AVL9: variants seen among roughly 807,000 people sequenced by gnomAD.
AVL9 encodes the protein AVL9 cell migration associated.
A neutral mutation model predicts 79.2 loss-of-function variants in AVL9; 49 were observed. That is an observed-to-expected ratio of 0.62 (90% CI 0.49 to 0.79). AVL9 has a LOEUF of 0.79. Ranked by LOEUF, AVL9 falls within the 30% of genes least tolerant of loss-of-function variation. AVL9 has a pLI of 0.00. For synonymous variants in AVL9, 299 were observed against 280.6 expected, an observed-to-expected ratio of 1.07 and a Z score of -0.65; for missense variants, 682 against 776.8, an observed-to-expected ratio of 0.88 and a Z score of 1.45.
intron 10 of AVL9, among the ~76,000 whole-genome samples, chr7:32,561,568 C>T (rs1349009504): frequency 6.6e-6 from 1 of 152,236 alleles, no homozygotes; most frequent in East Asian, 1.9e-4. Flanking sequence ...ATCCAGACCA[C>T]TCAAACTTTC....
intron 3 of AVL9, among the ~76,000 whole-genome samples, chr7:32,548,363 G>A (rs1789633054): frequency 6.6e-6 from 1 of 151,944 alleles, no homozygotes; most frequent in Non-Finnish European, 1.5e-5. Flanking sequence ...GACCAGGCTG[G>A]TCTCAAACTC....
At chr7:32,521,032 A>C (rs1226309921) in intron 1 of AVL9, among the ~76,000 whole-genome samples, 1 of 151,960 alleles carries the variant, frequency 6.6e-6, no homozygotes, top group African/African-American at 2.4e-5. Flanking sequence ...GCCGACATGT[A>C]ATAATTGCCT....
At chr7:32,515,953 C>T (rs145948454) in intron 1 of AVL9, among the ~76,000 whole-genome samples, 104 of 152,284 alleles carry the variant, frequency 6.8e-4, no homozygotes, top group African/African-American at 2.3e-3. Flanking sequence ...ATTTACTTTT[C>T]TCTACCCTAT....
intron 8 of AVL9, among the ~76,000 whole-genome samples, chr7:32,555,469 A>G (rs1217339648): frequency 2.0e-5 from 3 of 152,222 alleles, no homozygotes; most frequent in African/African-American, 7.2e-5. Context: ...GTTCCTGACC[A>G]CTCCCTAATA....
intron 1 of AVL9, among the ~76,000 whole-genome samples, chr7:32,498,374 A>C (rs535460704): frequency 3.3e-5 from 5 of 151,044 alleles, no homozygotes; most frequent in South Asian, 4.2e-4. Context: ...TCAGCCTCCC[A>C]AGTAGCTGGG....
intron 1 of AVL9, among the ~76,000 whole-genome samples, chr7:32,498,572 A>G (rs965817822): frequency 2.0e-5 from 3 of 151,750 alleles, no homozygotes; most frequent in African/African-American, 7.3e-5. Flanking sequence ...CTTCATTTGA[A>G]TTTAAATGAA....
chr7:32,565,933 G>A (rs1200283350), intron 10 of AVL9, among the ~76,000 whole-genome samples: 4 of 151,396 alleles, frequency 2.6e-5, no homozygotes, highest in Admixed American at 6.6e-5. Context: ...ACTTGAACCC[G>A]GGAGGCGGAG....
chr7:32,519,509 C>T (rs977685744), intron 1 of AVL9, among the ~76,000 whole-genome samples: 5 of 151,866 alleles, frequency 3.3e-5, no homozygotes, highest in Admixed American at 1.3e-4. Flanking sequence ...CACATGACTT[C>T]GGCAGTCTTT....
At chr7:32,557,863 T>TGTTTGTTTG (rs56264335) in intron 8 of AVL9, among the ~76,000 whole-genome samples, 3 of 148,000 alleles carry the variant, frequency 2.0e-5, no homozygotes, top group Admixed American at 6.7e-5. Context: ...CTTTTTTTTT[T>TGTTTGTTTG]TTTTTTTTTT....
At chr7:32,564,408 T>G (rs1790464459) in intron 10 of AVL9, among the ~76,000 whole-genome samples, 1 of 152,222 alleles carries the variant, frequency 6.6e-6, no homozygotes, top group Admixed American at 6.5e-5. Flanking sequence ...TTTTTTCTCT[T>G]GAAGATCTTA....
At position 32,544,896 on chromosome 7, in the gene AVL9, A is replaced by G. The variant is rs1309604646; in HGVS notation, c.300+117A>G. On this transcript the variant is annotated intron_variant, in intron 3 of 15. Coordinates refer to ENST00000318709, the MANE Select transcript of AVL9 (RefSeq NM_015060.3). ...ATGTTGTTTTAGATTTTTGTATACA[A>G]TTTGTAGCTGTTTTTTCAATAGTGC... The G allele has an allele frequency of 2.1e-5, 15 of 699,398 alleles. No individual in the cohort carries two copies. In the East Asian group the frequency reaches 4.1e-4, roughly 19 times the overall value. The allele number at this position is 699,398 out of a possible 1,614,324, so 43.3% of individuals were successfully genotyped here. A position where few individuals can be genotyped will look rare whatever the true frequency, so the allele number is the denominator to read the frequency against.
chr7:32,574,939 A>G (rs1290308540), intron 12 of AVL9, among the ~76,000 whole-genome samples: 1 of 152,174 alleles, frequency 6.6e-6, no homozygotes, highest in Non-Finnish European at 1.5e-5. Context: ...AGTAAACAAC[A>G]TGCAATTAAT....
In AVL9 at chr7:32,559,175, C is replaced by T; in HGVS notation, c.926C>T (p.Pro309Leu). 6.2e-7 allele frequency: 1 copy of T among 1,614,072 alleles called. No individual in the cohort carries two copies. The highest frequency in any genetic ancestry group is 1.3e-5 in the African/African-American group (1 of 74,998). The change falls in exon 10 of 16, where the codon CCC becomes CTC. Residue 309 changes from proline to leucine, a missense_variant. Physicochemically the swap from Pro to Leu is moderately conservative, Grantham distance 98 (BLOSUM62 -3). Transcript: ENST00000318709. ...QVEDSSKGQE[P>L]NDTNQYLKPP... ...GAAGACAGCAGCAAAGGGCAGGAACCCAATGATACCAATCAATATTTGAAA... is the reference window on the plus strand; with the variant it reads ...GAAGACAGCAGCAAAGGGCAGGAACTCAATGATACCAATCAATATTTGAAA...
At chr7:32,546,891 G>A (rs1210444015) in intron 3 of AVL9, among the ~76,000 whole-genome samples, 1 of 152,102 alleles carries the variant, frequency 6.6e-6, no homozygotes, top group African/African-American at 2.4e-5. Context: ...TGACAGCTTT[G>A]AGCAGTTGAT....
chr7:32,512,953 T>TGGGATCCATGAGGAGGCATGGA (rs11274689), intron 1 of AVL9, among the ~76,000 whole-genome samples: 38,247 of 151,546 alleles, frequency 0.25, 5,227 homozygotes, highest in Admixed American at 0.35. Flanking sequence ...AATTTGTGTA[T>TGGGATCCATGAGGAGGCATGGA]GGGATCCATG....
chr7:32,576,484 C>T (rs927889554), intron 13 of AVL9, among the ~76,000 whole-genome samples: 1 of 152,090 alleles, frequency 6.6e-6, no homozygotes, highest in South Asian at 2.1e-4. Context: ...ATGACATATG[C>T]GAAACCAATT....
At position 32,570,004 on chromosome 7, in the gene AVL9, C is replaced by T; in HGVS notation, c.1216-16C>T. 1 of 1,612,722 alleles carries T rather than the reference C, an allele frequency of 6.2e-7. No individual in the cohort carries two copies. The highest frequency in any genetic ancestry group is 1.1e-5 in the South Asian group (1 of 90,996). Reference sequence around the variant, plus strand: ...TTTACTTTTCTGATATTTTCTATTACTCTTCTAATTCATAGGGATATCTGT... The same window carrying T: ...TTTACTTTTCTGATATTTTCTATTATTCTTCTAATTCATAGGGATATCTGT... On this transcript the variant is annotated splice_polypyrimidine_tract_variant and intron_variant, in intron 10 of 15. Transcript: ENST00000318709.
chr7:32,587,284 A>G lies in AVL9; in HGVS notation c.*3377A>G, dbSNP rs569769458. On this transcript the variant is annotated 3_prime_UTR_variant, in exon 16 of 16. Coordinates refer to ENST00000318709, the MANE Select transcript of AVL9 (RefSeq NM_015060.3). ...AGCAGTATTTCATGTGCTAAGGGTT[A>G]TAAGAATTCTTTTAGAAAGGGATTA... is the stretch of plus-strand genomic sequence containing the variant. 5 of 152,390 alleles carry G rather than the reference A, an allele frequency of 3.3e-5. No homozygotes were observed. The South Asian group carries it at 6.2e-4, about 19-fold the overall frequency. 9.4% of individuals were successfully genotyped at this position (152,390 alleles called of 1,614,324 possible).
At chr7:32,574,859 G>C (rs1015539998) in intron 12 of AVL9, among the ~76,000 whole-genome samples, 13 of 152,178 alleles carry the variant, frequency 8.5e-5, no homozygotes, top group African/African-American at 3.1e-4. Flanking sequence ...TCTTTATGCT[G>C]TGTATGGAAC....
Sources: allele counts gnomAD v4.1 joint callset (sites outside exome capture counted in the v4.1 genomes callset), GRCh38; gene constraint gnomAD v4.1.1; transcripts MANE v1.5; gene names NCBI Gene and HGNC (gene_info 2026-07-23, HGNC 2026-07-21).